BMP1: variants seen among roughly 807,000 people sequenced by gnomAD.
BMP1 encodes mammalian tolloid protein.
Under a neutral mutation model 116.8 loss-of-function variants are expected in BMP1, and 63 were observed. The ratio of observed to expected loss-of-function variants is 0.54; its 90% confidence interval spans 0.44 to 0.67. The LOEUF is 0.67. Among genes scored for constraint, BMP1 ranks in the 30% least tolerant of loss-of-function variants. The pLI is 0.00. For missense variants in BMP1, 1,183 were observed against 1,358.9 expected (o/e 0.87, Z 2.04); for synonymous variants, 536 against 533.4 (o/e 1.00, Z -0.07).
At chr8:22,202,031 T>C in intron 16 of BMP1, 103 bp downstream of exon 16, 2 of 1,460,240 alleles carry the variant, frequency 1.4e-6, no homozygotes, top group Non-Finnish European at 1.8e-6. Context: ...TTCTGGGGCC[T>C]GTATGATCTC....
intron 17 of BMP1, 29 bp from the exon 18 acceptor site, chr8:22,207,274 T>G (rs768118867): frequency 6.3e-7 from 1 of 1,595,354 alleles, no homozygotes; most frequent in African/African-American, 1.3e-5. Context: ...GCCAAATTTT[T>G]AATCTGTGCT....
chr8:22,195,201 T>C (rs889342786), intron 12 of BMP1, among the ~76,000 whole-genome samples: 1 of 152,166 alleles, frequency 6.6e-6, no homozygotes. Context: ...CAGTTTCTCA[T>C]CTGTAAAATG....
intron 4 of BMP1, 143 bp downstream of exon 4, chr8:22,176,793 C>A: frequency 9.6e-7 from 1 of 1,046,324 alleles, no homozygotes; most frequent in Non-Finnish European, 1.4e-6. Flanking sequence ...CAGGAACTGC[C>A]CCCTGTGCGG....
intron 17 of BMP1, 68 bp from the exon 18 acceptor site, chr8:22,207,235 G>A (rs1297416627): frequency 1.6e-5 from 25 of 1,527,802 alleles, no homozygotes; most frequent in East Asian, 2.3e-5. Flanking sequence ...TAGGTTTGGG[G>A]CCCTCATCCT....
chr8:22,199,257 C>CT, intron 15 of BMP1: 1 of 1,367,580 alleles, frequency 7.3e-7, no homozygotes, highest in Non-Finnish European at 9.8e-7. Context: ...TGACTCTGGC[C>CT]CCCCAGGAGG....
At chr8:22,176,387 G>C in intron 3 of BMP1, 74 bp downstream of exon 3, 2 of 1,560,180 alleles carry the variant, frequency 1.3e-6, no homozygotes, top group Non-Finnish European at 1.7e-6. Flanking sequence ...TGCCAGGCAC[G>C]GAGGCGTGGG....
intron 16 of BMP1, among the ~76,000 whole-genome samples, chr8:22,205,070 T>C (rs1379919022): frequency 6.6e-6 from 1 of 152,104 alleles, no homozygotes; most frequent in African/African-American, 2.4e-5. Context: ...CTCTGAGGCT[T>C]CAGGGCAGCA....
intron 8 of BMP1, among the ~76,000 whole-genome samples, chr8:22,186,068 T>C (rs2131865199): frequency 6.6e-6 from 1 of 152,208 alleles, no homozygotes; most frequent in South Asian, 2.1e-4. Flanking sequence ...ACTCCTGACC[T>C]CAGGCGATCC....
intron 8 of BMP1, among the ~76,000 whole-genome samples, chr8:22,182,212 A>G (rs75677624): frequency 0.031 from 4,695 of 152,298 alleles, 155 homozygotes; most frequent in African/African-American, 0.082. Flanking sequence ...ATCATTTTGA[A>G]TCAGAATTTC....
intron 16 of BMP1, among the ~76,000 whole-genome samples, chr8:22,204,590 G>T (rs947750007): frequency 5.3e-5 from 8 of 152,176 alleles, no homozygotes; most frequent in Admixed American, 4.6e-4. Flanking sequence ...AGGCGTGGTG[G>T]CGCAAGCCTA....
chr8:22,195,673 T>A, intron 13 of BMP1, 86 bp downstream of exon 13: 2 of 1,533,432 alleles, frequency 1.3e-6, no homozygotes, highest in Non-Finnish European at 1.7e-6. Flanking sequence ...TTAGACAGGC[T>A]TTTGCTCTGT....
In BMP1 at chr8:22,197,360, G is replaced by A. The variant is rs781187309; in HGVS notation, c.2047G>A (p.Val683Met). 9 of 1,613,830 alleles carry A rather than the reference G, an allele frequency of 5.6e-6. No individual in the cohort carries two copies. Among genetic ancestry groups the A allele is most frequent in the South Asian group, 2.2e-5 (2 of 91,084 alleles). The change falls in exon 15 of 20, where the codon GTG (valine) becomes ATG (methionine). Residue 683 changes from valine to methionine, a missense_variant. Transcript: ENST00000306385. ...VITSQYNNMR[V>M]EFKSDNTVSK... ...CACCTCCCAGTACAACAACATGCGC[G>A]TGGAGTTCAAGTCCGACAACACCGT... is the stretch of plus-strand genomic sequence containing the variant.
chr8:22,188,799 G>T (rs1240921937), intron 8 of BMP1, among the ~76,000 whole-genome samples: 1 of 152,156 alleles, frequency 6.6e-6, no homozygotes, highest in Non-Finnish European at 1.5e-5. Flanking sequence ...GCTGGGCGTG[G>T]TTTCTTCCTC....
chr8:22,200,083 C>T (rs1461230588), intron 15 of BMP1, among the ~76,000 whole-genome samples: 1 of 152,188 alleles, frequency 6.6e-6, no homozygotes, highest in Non-Finnish European at 1.5e-5. Context: ...TCTGGGGGTC[C>T]ACTGGATCCC....
chr8:22,206,702 GA>G (rs1829363228), intron 16 of BMP1, 151 bp from the exon 17 acceptor site: 1 of 1,212,528 alleles, frequency 8.2e-7, no homozygotes, highest in East Asian at 2.5e-5. Flanking sequence ...GTAACCTCAT[GA>G]AAAAGAAACG....
At chr8:22,176,856 C>T (rs1228533622) in intron 4 of BMP1, 105 bp from the exon 5 acceptor site, 5 of 1,052,758 alleles carry the variant, frequency 4.7e-6, no homozygotes, top group African/African-American at 1.6e-5. Flanking sequence ...CCCACCCCTC[C>T]CCTTCGCTCC....
intron 19 of BMP1, among the ~76,000 whole-genome samples, chr8:22,210,058 G>C (rs1586477474): frequency 6.6e-6 from 1 of 152,288 alleles, no homozygotes; most frequent in Admixed American, 6.5e-5. Flanking sequence ...ATGGGGGGCA[G>C]AGGTTGGCAC....
chr8:22,167,058 T>C (rs1828135457), intron 1 of BMP1, among the ~76,000 whole-genome samples: 1 of 152,182 alleles, frequency 6.6e-6, no homozygotes, highest in African/African-American at 2.4e-5. Flanking sequence ...AAAACATACA[T>C]AAAACACTTA....
intron 15 of BMP1, 151 bp from the exon 16 acceptor site, chr8:22,201,652 C>G: frequency 7.1e-7 from 1 of 1,406,476 alleles, no homozygotes. Context: ...GTCGCCTGGC[C>G]TCCCACTCCC....
Sources: allele counts gnomAD v4.1 joint callset (sites outside exome capture counted in the v4.1 genomes callset), GRCh38; gene constraint gnomAD v4.1.1; transcripts MANE v1.5; gene names NCBI Gene and HGNC (gene_info 2026-07-23, HGNC 2026-07-21).